Variants in ZSWIM4 observed in about 807,000 individuals in gnomAD.
The protein encoded by ZSWIM4 is zinc finger SWIM-type containing 4, also known as zinc finger SWIM domain-containing protein 4.
In ZSWIM4, 62 loss-of-function variants were observed where a neutral mutation model predicts 102.5. The ratio of observed to expected loss-of-function variants is 0.60; its 90% CI spans 0.49 to 0.75. ZSWIM4 has a LOEUF of 0.75. ZSWIM4 is among the 30% of genes least tolerant of loss of function. ZSWIM4 has a pLI of 0.00. For missense variants in ZSWIM4, 1,280 were observed against 1,529.6 expected, an observed-to-expected ratio of 0.84 and a Z score of 2.72; for synonymous variants, 652 against 674.5, an observed-to-expected ratio of 0.97 and a Z score of 0.52.
chr19:13,799,999 G>A, intron 2 of ZSWIM4, 78 bp downstream of exon 2: 3 of 1,460,068 alleles, frequency 2.1e-6, no homozygotes, highest in Non-Finnish European at 2.8e-6. Flanking sequence ...GTTGGAGGGA[G>A]GCCTGGGGCC....
intron 1 of ZSWIM4, among the ~76,000 whole-genome samples, chr19:13,797,959 A>G (rs1448725200): frequency 6.6e-6 from 1 of 152,142 alleles, no homozygotes; most frequent in Non-Finnish European, 1.5e-5. Context: ...ACCCGGACGT[A>G]TCTTATAATG....
In ZSWIM4 at chr19:13,830,182, T is replaced by C. The variant is rs758211960; in HGVS notation, c.2462-9T>C. On this transcript the variant is annotated splice_polypyrimidine_tract_variant and intron_variant, in intron 13 of 13. Coordinates refer to ENST00000590508, the MANE Select transcript of ZSWIM4 (RefSeq NM_001367834.3). ...TCCTGACGGATTTCCCTCCCTCACC[T>C]CCCACCAGGCCCGCAAGCCCTGATG... is the stretch of plus-strand genomic sequence containing the variant. 6.2e-7 allele frequency: 1 copy of C among 1,603,186 alleles called. No homozygotes were observed. The highest frequency in any genetic ancestry group is 1.1e-5 in the South Asian group (1 of 90,798).
At chr19:13,802,296 TAG>T (rs1275617567) in intron 2 of ZSWIM4, among the ~76,000 whole-genome samples, 2 of 145,214 alleles carry the variant, frequency 1.4e-5, no homozygotes, top group African/African-American at 5.2e-5. Context: ...TTTTAAGAGA[TAG>T]AGTCTCGGCC....
chr19:13,824,673 A>G (rs990104863), intron 11 of ZSWIM4, among the ~76,000 whole-genome samples: 2 of 151,916 alleles, frequency 1.3e-5, no homozygotes, highest in Non-Finnish European at 2.9e-5. Flanking sequence ...CAAAGGTTGC[A>G]GTGAGCCGAG....
Position 13,795,588 on chromosome 19 carries a change from C to G in ZSWIM4, c.-61C>G, listed in dbSNP as rs892445011. 3 of 262,574 alleles carry G rather than the reference C, an allele frequency of 1.1e-5. No homozygotes were observed. Among genetic ancestry groups the G allele is most frequent in the Non-Finnish European group, 2.1e-5 (3 of 143,840 alleles). 16.3% of individuals were successfully genotyped at this position (262,574 alleles called of 1,614,324 possible). Reference sequence around the variant, plus strand: ...GGGCGCGGGAGCCGGCGAAGCGGAGCGGGCATCGGACCGAGCCCCCCAAAG... The same window carrying G: ...GGGCGCGGGAGCCGGCGAAGCGGAGGGGGCATCGGACCGAGCCCCCCAAAG... On this transcript the variant is annotated 5_prime_UTR_variant, in exon 1 of 14. Coordinates refer to ENST00000590508, the MANE Select transcript of ZSWIM4 (RefSeq NM_001367834.3).
At position 13,809,718 on chromosome 19, in the gene ZSWIM4, C is replaced by T. The variant is rs1226867958; in HGVS notation, c.1012+498C>T. Among the ~76,000 whole-genome samples, 2 of 152,178 alleles carry T rather than the reference C, an allele frequency of 1.3e-5. No homozygotes were observed. The highest frequency in any genetic ancestry group is 2.9e-5 in the Non-Finnish European group (2 of 68,034). On this transcript the variant is annotated intron_variant, in intron 5 of 13. Transcript: ENST00000590508. This position sits in a 1 kb window ranked among gnomAD's most constrained non-coding sequence, Gnocchi z 4.2. The stretch of plus-strand genomic sequence containing the variant: ...CTGGTCTTGAACTCCTGGACTCAAG[C>T]AGTCCTCTCACCCAGCCTCCCAAAG...
intron 2 of ZSWIM4, among the ~76,000 whole-genome samples, chr19:13,800,538 T>C (rs113170999): frequency 3.9e-5 from 6 of 152,086 alleles, no homozygotes; most frequent in African/African-American, 1.4e-4. Flanking sequence ...GTGCTGGGAT[T>C]ACAGGCGTGA....
intron 2 of ZSWIM4, among the ~76,000 whole-genome samples, chr19:13,803,890 C>G (rs964283884): frequency 1.3e-5 from 2 of 148,862 alleles, no homozygotes; most frequent in African/African-American, 5.0e-5. Flanking sequence ...GAGACAGAGT[C>G]TCATTCTGTT....
chr19:13,817,417 G>A, intron 8 of ZSWIM4, 64 bp downstream of exon 8: 1 of 1,568,146 alleles, frequency 6.4e-7, no homozygotes, highest in Non-Finnish European at 8.7e-7. Context: ...ACGCCCCCTG[G>A]CCCAGTACCC....
At chr19:13,822,572 G>A (rs984208203) in intron 10 of ZSWIM4, among the ~76,000 whole-genome samples, 5 of 152,208 alleles carry the variant, frequency 3.3e-5, no homozygotes, top group African/African-American at 4.8e-5. Context: ...GCCAGGCATG[G>A]TGGCTCATGT....
In ZSWIM4 at chr19:13,817,881, G is replaced by A. The variant is rs1394656557; in HGVS notation, c.1829G>A (p.Arg610His). 6.4e-7 allele frequency: 1 copy of A among 1,551,134 alleles called. No individual in the cohort carries two copies. Among genetic ancestry groups the A allele is most frequent in the Admixed American group, 2.0e-5 (1 of 50,908 alleles). Residue 610 changes from arginine to histidine, a missense_variant, in exon 9 of 14, where the codon CGC (arginine) becomes CAC (histidine). Transcript: ENST00000590508. ...EGLYAQDKVV[R>H]NEEQLLALLE... ...CTGTACGCCCAGGACAAGGTGGTGC[G>A]CAACGAGGAGCAGCTGCTGGCCCTG... is the stretch of plus-strand genomic sequence containing the variant.
intron 13 of ZSWIM4, 46 bp from the exon 14 acceptor site, chr19:13,830,145 G>C (rs10403445): frequency 0.27 from 429,018 of 1,576,324 alleles, 64,159 homozygotes; most frequent in African/African-American, 0.62. Context: ...ATGTACGTGT[G>C]TCTGCCCCCG....
chr19:13,803,249 G>C (rs1974822054), intron 2 of ZSWIM4, among the ~76,000 whole-genome samples: 1 of 152,254 alleles, frequency 6.6e-6, no homozygotes, highest in Non-Finnish European at 1.5e-5. Context: ...CTGGGCCTGA[G>C]CTGCCGAACC....
rs372638029 is a variant in ZSWIM4 at position 13,799,938 on chromosome 19, C to T, written c.355+17C>T. ...TGCAAGTGGGTGAGTCTTTGTCCCC[C>T]ACTCCTGCTGGGGAGGCCAGGAGGT... On this transcript the variant is annotated intron_variant, in intron 2 of 13. Transcript: ENST00000590508. The T allele has an allele frequency of 1.9e-6, 3 of 1,603,148 alleles. No homozygotes were observed. The Admixed American group carries it at 5.0e-5, about 27-fold the overall frequency.
At chr19:13,823,268 C>A (rs1975515676) in intron 10 of ZSWIM4, 78 bp from the exon 11 acceptor site, 1 of 1,478,668 alleles carries the variant, frequency 6.8e-7, no homozygotes, top group African/African-American at 1.4e-5. Flanking sequence ...GAGGCTGGGC[C>A]AGGAGGCTTC....
intron 7 of ZSWIM4, among the ~76,000 whole-genome samples, chr19:13,815,582 G>A (rs905194321): frequency 4.2e-5 from 6 of 142,170 alleles, no homozygotes; most frequent in Admixed American, 7.5e-5. Flanking sequence ...GCAATTCTCC[G>A]GCCTCAGCCT....
intron 2 of ZSWIM4, among the ~76,000 whole-genome samples, chr19:13,800,214 G>A (rs759967066): frequency 7.0e-5 from 9 of 128,530 alleles, no homozygotes; most frequent in African/African-American, 2.6e-4. Context: ...ACAGGCGCCC[G>A]CCACCGCGCC....
At chr19:13,826,255 TG>T (rs367814518) in intron 12 of ZSWIM4, among the ~76,000 whole-genome samples, 4 of 151,728 alleles carry the variant, frequency 2.6e-5, no homozygotes, top group African/African-American at 9.7e-5. Context: ...AAGCGGAGCC[TG>T]GGGGTGGGGC....
In ZSWIM4 at chr19:13,825,099, G is replaced by C. The variant is rs929574081; in HGVS notation, c.2216-451G>C. Among the ~76,000 whole-genome samples, 1 of 151,484 alleles carries C rather than the reference G, an allele frequency of 6.6e-6. No homozygotes were observed. The highest frequency in any genetic ancestry group is 2.4e-5 in the African/African-American group (1 of 41,150). ...CTATCATCTAGGCTGGAGTGCAGTG[G>C]TGCCATCTCAGCTGACTGCAACCTC... On this transcript the variant is annotated intron_variant, in intron 11 of 13. Transcript: ENST00000590508. The surrounding 1 kb of genome is among the most constrained non-coding windows in gnomAD (Gnocchi z 4.6).
Sources: gnomAD v4.1 joint callset for allele counts (sites outside exome capture counted in the v4.1 genomes callset) on GRCh38, gnomAD v4.1.1 for gene constraint, Gnocchi (gnomAD v3.1) non-coding constraint, MANE v1.5 for transcripts, NCBI Gene and HGNC (gene_info 2026-07-23, HGNC 2026-07-21) for gene names.